GRIA1: variants seen among roughly 807,000 people sequenced by gnomAD.
GRIA1 encodes glutamate ionotropic receptor AMPA type subunit 1.
A neutral mutation model predicts 99.2 loss-of-function variants in GRIA1; 31 were observed. That is an observed-to-expected ratio of 0.31 (90% CI 0.23 to 0.42). The LOEUF (loss-of-function observed/expected upper bound fraction) is 0.42, where lower values mean the gene tolerates loss of function less well. Ranked by LOEUF, GRIA1 falls within the 10% of genes least tolerant of loss-of-function variation. The pLI is 1.00. For missense variants in GRIA1, 782 were observed against 1,157.5 expected, an observed-to-expected ratio of 0.68 and a Z score of 4.71; for synonymous variants, 438 against 432.4, an observed-to-expected ratio of 1.01 and a Z score of -0.16.
At position 153,623,448 on chromosome 5, in the gene GRIA1, G is replaced by C. The variant is rs184131036; in HGVS notation, c.221-23480G>C. ...GGCTTATTATATGTTAGCAAAGGTA[G>C]CAAGTGACAGCCCAGGATGGAGCAT... is the stretch of plus-strand genomic sequence containing the variant. On this transcript the variant is annotated intron_variant, in intron 2 of 15. Transcript: ENST00000285900. Among the ~76,000 whole-genome samples the C allele has an allele frequency of 1.2e-4, 18 of 152,292 alleles. No homozygotes were observed. In the East Asian group the frequency reaches 3.1e-3, roughly 26 times the overall value.
intron 2 of GRIA1, among the ~76,000 whole-genome samples, chr5:153,603,895 G>T (rs1011402371): frequency 6.6e-6 from 1 of 152,144 alleles, no homozygotes; most frequent in Non-Finnish European, 1.5e-5. Flanking sequence ...GATAAGCAGA[G>T]ATTTTAGTAC....
At chr5:153,658,713 G>A (rs1392177406) in intron 5 of GRIA1, among the ~76,000 whole-genome samples, 4 of 152,168 alleles carry the variant, frequency 2.6e-5, no homozygotes, top group Non-Finnish European at 4.4e-5. Context: ...TGTGATTAGG[G>A]TGTAATTATA....
chr5:153,615,939 T>A (rs1016782429), intron 2 of GRIA1, among the ~76,000 whole-genome samples: 1 of 152,126 alleles, frequency 6.6e-6, no homozygotes, highest in East Asian at 1.9e-4. Context: ...TCCCTTTATT[T>A]TGAAAGCACT....
intron 7 of GRIA1, 39 bp from the exon 8 acceptor site, chr5:153,686,186 A>C (rs10035262): frequency 7.1e-7 from 1 of 1,409,652 alleles, no homozygotes; most frequent in Admixed American, 1.7e-5. Flanking sequence ...CATAAAGTAC[A>C]TCTGAGTTCA....
At position 153,494,030 on chromosome 5, in the gene GRIA1, T is replaced by C; in HGVS notation, c.185T>C (p.Val62Ala). 1 of 1,614,098 alleles carries C rather than the reference T, an allele frequency of 6.2e-7. No homozygotes were observed. Among genetic ancestry groups the C allele is most frequent in the Non-Finnish European group, 8.5e-7 (1 of 1,179,938 alleles). ...AAGCTGCTCCCCCAGATTGATATTGTGAACATCAGCGACAGCTTTGAGATG... is the reference window on the plus strand; with the variant it reads ...AAGCTGCTCCCCCAGATTGATATTGCGAACATCAGCGACAGCTTTGAGATG... ...PPKLLPQIDI[V>A]NISDSFEMTY... Residue 62 changes from valine to alanine, a missense_variant, in exon 2 of 16, where the codon GTG becomes GCG. Around this residue, in one of 5 missense-constraint regions of GRIA1, gnomAD observed 461 missense variants for 521.7 expected, o/e 0.88. Transcript: ENST00000285900.
intron 2 of GRIA1, among the ~76,000 whole-genome samples, chr5:153,513,828 CTA>C (rs35402981): frequency 0.27 from 40,430 of 151,970 alleles, 5,560 homozygotes; most frequent in Middle Eastern, 0.43. Context: ...TGTAATATCT[CTA>C]TGTTTCAGTT....
rs55874747 is a variant in GRIA1 at position 153,738,720 on chromosome 5, C to CTTTTT, written c.1824-25700_1824-25696dup. On this transcript the variant is annotated intron_variant, in intron 11 of 15. Coordinates refer to ENST00000285900, the MANE Select transcript of GRIA1 (RefSeq NM_000827.4). Reference sequence around the variant, plus strand: ...TGTTGCGTGTTCATCTCCATACCTTCTTTTTTTTTTTTTTTTTTGGAGAAG... The same window carrying CTTTTT: ...TGTTGCGTGTTCATCTCCATACCTTCTTTTTTTTTTTTTTTTTTTTTTTGGAGAAG... 1.3e-3 allele frequency among the ~76,000 whole-genome samples: 136 copies of CTTTTT among 102,348 alleles called. 6 individuals carry two copies. The South Asian group carries it at 0.02, about 15-fold the overall frequency. The allele number at this position is 102,348 out of a possible 152,430, so 67.1% of individuals were successfully genotyped here.
intron 2 of GRIA1, among the ~76,000 whole-genome samples, chr5:153,552,599 T>G (rs1760253585): frequency 6.7e-6 from 1 of 149,618 alleles, no homozygotes; most frequent in Admixed American, 6.7e-5. Flanking sequence ...CTGTCAGGAT[T>G]TTTTTTTTTA....
At chr5:153,671,863 CTA>C (rs1432071918) in intron 5 of GRIA1, among the ~76,000 whole-genome samples, 3 of 152,148 alleles carry the variant, frequency 2.0e-5, no homozygotes, top group African/African-American at 7.2e-5. Flanking sequence ...AGGAAAGAGG[CTA>C]TGGGAACACA....
At chr5:153,634,320 A>C (rs1422707407) in intron 2 of GRIA1, among the ~76,000 whole-genome samples, 1 of 124,200 alleles carries the variant, frequency 8.1e-6, no homozygotes, top group African/African-American at 2.6e-5. Flanking sequence ...TCCATCTCAA[A>C]AAAAAAAAAG....
At chr5:153,568,420 G>C (rs1761837322) in intron 2 of GRIA1, among the ~76,000 whole-genome samples, 1 of 152,068 alleles carries the variant, frequency 6.6e-6, no homozygotes, top group African/African-American at 2.4e-5. Context: ...TAGTTAATTA[G>C]TATGCATGTT....
intron 2 of GRIA1, among the ~76,000 whole-genome samples, chr5:153,629,213 C>T (rs1055062053): frequency 1.3e-5 from 2 of 152,134 alleles, no homozygotes; most frequent in Admixed American, 1.3e-4. Flanking sequence ...TCCTCATTTC[C>T]TCTTCCCTCC....
intron 13 of GRIA1, among the ~76,000 whole-genome samples, chr5:153,794,292 C>T (rs974758450): frequency 6.6e-5 from 10 of 151,944 alleles, no homozygotes; most frequent in African/African-American, 2.4e-4. Context: ...TTAAAGTCCA[C>T]TTTGCAAAGA....
chr5:153,666,840 T>C (rs1755780750), intron 5 of GRIA1, among the ~76,000 whole-genome samples: 1 of 152,206 alleles, frequency 6.6e-6, no homozygotes, highest in African/African-American at 2.4e-5. Context: ...CTGCCTTCTA[T>C]GACATTTGCC....
intron 9 of GRIA1, among the ~76,000 whole-genome samples, chr5:153,698,362 C>G (rs914009202): frequency 6.6e-6 from 1 of 152,188 alleles, no homozygotes; most frequent in African/African-American, 2.4e-5. Flanking sequence ...CCTTTGTACC[C>G]TTGGGTAACT....
intron 2 of GRIA1, among the ~76,000 whole-genome samples, chr5:153,506,981 G>T (rs954490413): frequency 1.3e-5 from 2 of 151,988 alleles, no homozygotes; most frequent in Admixed American, 6.6e-5. Flanking sequence ...AAAAATAGCT[G>T]GCATGGTGGC....
intron 2 of GRIA1, among the ~76,000 whole-genome samples, chr5:153,621,536 A>G (rs890353075): frequency 1.2e-4 from 19 of 152,194 alleles, no homozygotes; most frequent in Non-Finnish European, 2.6e-4. Flanking sequence ...ATGTGGTATC[A>G]TGGAAAGAAA....
chr5:153,760,920 G>T (rs1037324499), intron 11 of GRIA1, among the ~76,000 whole-genome samples: 1 of 152,060 alleles, frequency 6.6e-6, no homozygotes, highest in African/African-American at 2.4e-5. Flanking sequence ...TCAAAAACAT[G>T]CAATGGGGAA....
chr5:153,561,858 A>C (rs571234875), intron 2 of GRIA1, among the ~76,000 whole-genome samples: 19 of 152,318 alleles, frequency 1.2e-4, no homozygotes, highest in African/African-American at 4.6e-4. Flanking sequence ...TGTGAGGATA[A>C]ATGTAAAACC....
Sources: gnomAD v4.1 joint callset for allele counts (sites outside exome capture counted in the v4.1 genomes callset) on GRCh38, gnomAD v4.1.1 for gene constraint, gnomAD v4.1.1 regional missense constraint, MANE v1.5 for transcripts, NCBI Gene and HGNC (gene_info 2026-07-23, HGNC 2026-07-21) for gene names.